Variants in ZNF292 observed in about 807,000 individuals in gnomAD.
ZNF292 encodes the protein zinc finger protein 292, also known as 16 zinc-finger domain protein.
A neutral mutation model predicts 217.9 loss-of-function variants in ZNF292; 26 were observed. The observed-to-expected ratio is 0.12, with a 90% confidence interval of 0.09 to 0.17. The LOEUF (loss-of-function observed/expected upper bound fraction) is 0.17. ZNF292 is among the 10% of genes least tolerant of loss of function. ZNF292 has a pLI of 1.00. For missense variants in ZNF292, 2,904 were observed against 3,175.2 expected (o/e 0.91, Z 2.05); for synonymous variants, 1,257 against 1,124.1 (o/e 1.12, Z -2.37).
At chr6:87,219,511 T>C (rs1410754108) in intron 4 of ZNF292, among the ~76,000 whole-genome samples, 1 of 152,228 alleles carries the variant, frequency 6.6e-6, no homozygotes, top group Non-Finnish European at 1.5e-5. Flanking sequence ...AGTTTTGCTA[T>C]GTGATAGCAA....
chr6:87,175,399 A>G (rs1023286916), intron 1 of ZNF292, among the ~76,000 whole-genome samples: 1 of 152,176 alleles, frequency 6.6e-6, no homozygotes, highest in African/African-American at 2.4e-5. Context: ...GCAGTGGTAC[A>G]GTCATGGCTA....
rs770291594 is a variant in ZNF292, at chr6:87,245,595, C to T, written c.971C>T (p.Thr324Met). 9 of 1,547,266 alleles carry T rather than the reference C, an allele frequency of 5.8e-6. No homozygotes were observed. The highest frequency in any genetic ancestry group is 7.0e-6 in the Non-Finnish European group (8 of 1,135,684). ...AGGTGTCGTCAACTTTCTTTGTTAA[C>T]GAAAACAGTATATCACATTTTCTTC... The part of the protein sequence containing the change: ...LERCRQLSLL[T>M]KTVYHIFFLI... Residue 324 changes from threonine (T) to methionine (M), a missense_variant, in exon 7 of 8, where the codon ACG (threonine) becomes ATG (methionine). By Grantham distance (81) the Thr-to-Met change is moderately conservative. Around this residue, in one of 15 missense-constraint regions of ZNF292, gnomAD observed 313 missense variants for 451.0 expected, o/e 0.69. Transcript: ENST00000369577.
intron 7 of ZNF292, among the ~76,000 whole-genome samples, chr6:87,246,211 A>G (rs112752128): frequency 3.3e-5 from 5 of 152,370 alleles, no homozygotes; most frequent in East Asian, 1.9e-4. Context: ...AGCCTGGGCA[A>G]CAGAGCGAGA....
chr6:87,178,565 C>T (rs549442087), intron 1 of ZNF292, among the ~76,000 whole-genome samples: 1 of 152,078 alleles, frequency 6.6e-6, no homozygotes, highest in Non-Finnish European at 1.5e-5. Context: ...GGAACTGTTA[C>T]GTTTGTGTGT....
At position 87,255,150 on chromosome 6, in the gene ZNF292, T is replaced by C; in HGVS notation, c.1521T>C (p.Leu507=). The part of the protein sequence containing the change: ...LSGGVGANSG[L]LKDIGDEKQK... The stretch of plus-strand genomic sequence containing the variant: ...GTGGAGTTGGTGCTAATTCTGGCCT[T>C]CTTAAAGACATTGGTGATGAAAAGC... The change falls in exon 8 of 8, where the codon CTT becomes CTC. Residue 507 remains leucine (L), a synonymous_variant. Transcript: ENST00000369577. 1.2e-6 allele frequency: 2 copies of C among 1,613,766 alleles called. No homozygotes were observed. The highest frequency in any genetic ancestry group is 1.1e-5 in the South Asian group (1 of 91,066).
intron 1 of ZNF292, among the ~76,000 whole-genome samples, chr6:87,192,594 A>G (rs934546463): frequency 6.6e-6 from 1 of 152,192 alleles, no homozygotes; most frequent in Admixed American, 6.5e-5. Context: ...GTAATTTTTT[A>G]AAGATCCTGT....
At chr6:87,236,343 C>G (rs1773900636) in intron 5 of ZNF292, among the ~76,000 whole-genome samples, 1 of 151,470 alleles carries the variant, frequency 6.6e-6, no homozygotes, top group South Asian at 2.1e-4. Flanking sequence ...TTCCCAGGAC[C>G]CTTTCGGTGT....
intron 5 of ZNF292, among the ~76,000 whole-genome samples, chr6:87,238,336 A>G (rs1211487078): frequency 6.6e-6 from 1 of 152,156 alleles, no homozygotes; most frequent in Non-Finnish European, 1.5e-5. Flanking sequence ...AAATATAAAA[A>G]TTAGCCAGTC....
At position 87,259,899 on chromosome 6, in the gene ZNF292, G is replaced by A. The variant is rs778336090; in HGVS notation, c.6270G>A (p.Glu2090=). The stretch of plus-strand genomic sequence containing the variant: ...TTAGGAGGCATAAAAAAGAAAAGGA[G>A]GAGAAAAAACGAAAGAAGCCAGTTT... The part of the protein sequence containing the change: ...RKIRRHKKEK[E]EKKRKKPVSQ... Residue 2090 remains glutamate, a synonymous_variant, in exon 8 of 8, where the codon GAG becomes GAA. Coordinates refer to ENST00000369577, the MANE Select transcript of ZNF292 (RefSeq NM_015021.3). The A allele has an allele frequency of 1.2e-6, 2 of 1,613,508 alleles. No homozygotes were observed. The highest frequency in any genetic ancestry group is 1.7e-6 in the Non-Finnish European group (2 of 1,179,650).
rs757024902 is a variant in ZNF292, at chr6:87,258,608, A to G, written c.4979A>G (p.Lys1660Arg). 6.2e-7 allele frequency: 1 copy of G among 1,613,590 alleles called. No homozygotes were observed. Among genetic ancestry groups the G allele is most frequent in the Non-Finnish European group, 8.5e-7 (1 of 1,179,778 alleles). ...TTAACAACAATGGGACTCATAGCAAAGAGTGTTGAAATCCCAACTACTAAC... is the reference window on the plus strand; with the variant it reads ...TTAACAACAATGGGACTCATAGCAAGGAGTGTTGAAATCCCAACTACTAAC... ...SDLTTMGLIA[K>R]SVEIPTTNLH... The change falls in exon 8 of 8, where the codon AAG becomes AGG. Residue 1660 changes from lysine (K) to arginine (R), a missense_variant. Physicochemically the swap from Lys to Arg is conservative, Grantham distance 26 (BLOSUM62 2). Coordinates refer to ENST00000369577, the MANE Select transcript of ZNF292 (RefSeq NM_015021.3).
intron 7 of ZNF292, chr6:87,249,290 C>A: frequency 9.8e-6 from 3 of 305,722 alleles, no homozygotes; most frequent in Admixed American, 3.7e-5. Context: ...TCACACTTGG[C>A]TAATTTTTTT....
At chr6:87,171,158 T>A (rs1771082493) in intron 1 of ZNF292, among the ~76,000 whole-genome samples, 1 of 152,156 alleles carries the variant, frequency 6.6e-6, no homozygotes, top group South Asian at 2.1e-4. Flanking sequence ...AAAGATACTT[T>A]TGCATGTGTG....
chr6:87,210,108 T>G (rs1254237677), intron 1 of ZNF292, among the ~76,000 whole-genome samples: 3 of 152,210 alleles, frequency 2.0e-5, no homozygotes, highest in African/African-American at 7.2e-5. Flanking sequence ...TAAAGGAAGC[T>G]ATCAGAAGTT....
chr6:87,220,157 G>A (rs924235981), intron 4 of ZNF292, among the ~76,000 whole-genome samples: 2 of 151,786 alleles, frequency 1.3e-5, no homozygotes, highest in Non-Finnish European at 2.9e-5. Flanking sequence ...GAGAATCTTA[G>A]ATTTTTTTTT....
chr6:87,169,877 G>T lies in ZNF292; in HGVS notation c.168+14118G>T, dbSNP rs529632269. The T allele has an allele frequency of 4.7e-4, 93 of 198,966 alleles. 1 individual carries two copies. Among genetic ancestry groups the T allele is most frequent in the Middle Eastern group, 2.2e-3 (1 of 460 alleles). 12.3% of individuals were successfully genotyped at this position (198,966 alleles called of 1,614,324 possible). A position where few individuals can be genotyped will look rare whatever the true frequency, so the allele number is the denominator to read the frequency against. ...TGCCCAGACTGGTCTTGATCTCCTG[G>T]GCTCAAGCAATTTGCCCATCTCAGA... On this transcript the variant is annotated intron_variant, in intron 1 of 7. Transcript: ENST00000369577.
At chr6:87,189,102 G>C (rs1282255383) in intron 1 of ZNF292, among the ~76,000 whole-genome samples, 1 of 152,042 alleles carries the variant, frequency 6.6e-6, no homozygotes, top group Non-Finnish European at 1.5e-5. Context: ...CTACTGGGGA[G>C]GCTGAGGCAT....
At chr6:87,211,358 A>G (rs1427975944) in intron 1 of ZNF292, among the ~76,000 whole-genome samples, 1 of 152,186 alleles carries the variant, frequency 6.6e-6, no homozygotes, top group Non-Finnish European at 1.5e-5. Context: ...AAGCCTCTAG[A>G]TTTGTGAATT....
At chr6:87,174,659 A>T (rs923619906) in intron 1 of ZNF292, among the ~76,000 whole-genome samples, 2 of 152,116 alleles carry the variant, frequency 1.3e-5, no homozygotes, top group Non-Finnish European at 2.9e-5. Context: ...GAAGAGTTTC[A>T]TACCTTTGAT....
intron 1 of ZNF292, among the ~76,000 whole-genome samples, chr6:87,181,373 C>CT (rs1045164039): frequency 6.6e-6 from 1 of 152,188 alleles, no homozygotes; most frequent in Non-Finnish European, 1.5e-5. Flanking sequence ...TCAGGTGCCT[C>CT]TTTCCTCCTC....
Sources: gnomAD v4.1 joint callset for allele counts (sites outside exome capture counted in the v4.1 genomes callset) on GRCh38, gnomAD v4.1.1 for gene constraint, gnomAD v4.1.1 regional missense constraint, MANE v1.5 for transcripts, NCBI Gene and HGNC (gene_info 2026-07-23, HGNC 2026-07-21) for gene names.